Variants in PRKCA observed in about 807,000 individuals in gnomAD.
PRKCA encodes protein kinase C alpha.
A neutral mutation model predicts 87.0 loss-of-function variants in PRKCA; 27 were observed. The observed-to-expected ratio is 0.31, with a 90% CI of 0.23 to 0.43. The LOEUF is 0.43. Among genes scored for constraint, PRKCA ranks in the 20% least tolerant of loss-of-function variants. The pLI, the probability that PRKCA is intolerant of heterozygous loss-of-function variation, is 1.00. For missense variants in PRKCA, 518 were observed against 852.3 expected (o/e 0.61, Z 4.88); for synonymous variants, 329 against 311.1 (o/e 1.06, Z -0.61).
At chr17:66,765,994 G>C (rs893334706) in intron 13 of PRKCA, among the ~76,000 whole-genome samples, 1 of 152,136 alleles carries the variant, frequency 6.6e-6, no homozygotes, top group East Asian at 1.9e-4. Flanking sequence ...ACGTTTCTCT[G>C]GGAAAAAATG....
chr17:66,456,406 C>A (rs781081725), intron 2 of PRKCA, among the ~76,000 whole-genome samples: 1 of 152,150 alleles, frequency 6.6e-6, no homozygotes, highest in Non-Finnish European at 1.5e-5. Flanking sequence ...AGTTTAAGAG[C>A]CGTAAGTGGC....
At chr17:66,421,940 A>C (rs1443755928) in intron 2 of PRKCA, among the ~76,000 whole-genome samples, 1 of 152,110 alleles carries the variant, frequency 6.6e-6, no homozygotes, top group East Asian at 1.9e-4. Flanking sequence ...CTTAAACAGC[A>C]GAAGTTTATT....
At chr17:66,731,286 G>T (rs1020886218) in intron 8 of PRKCA, among the ~76,000 whole-genome samples, 5 of 149,806 alleles carry the variant, frequency 3.3e-5, no homozygotes, top group Non-Finnish European at 5.9e-5. Context: ...GGAGGTTGCA[G>T]TGAGCTGAGA....
At chr17:66,791,503 G>A (rs934794774) in intron 16 of PRKCA, among the ~76,000 whole-genome samples, 1 of 152,204 alleles carries the variant, frequency 6.6e-6, no homozygotes, top group East Asian at 1.9e-4. Flanking sequence ...GTTCAAAAGC[G>A]GAGAGCGTCA....
Position 66,777,579 on chromosome 17 carries a change from T to G in PRKCA, c.1605+3512T>G, listed in dbSNP as rs114885828. On this transcript the variant is annotated intron_variant, in intron 14 of 16. Coordinates refer to ENST00000413366, the MANE Select transcript of PRKCA (RefSeq NM_002737.3). ...AAGTTAATTTCCCCCTCTTTAAAAT[T>G]TTTACAGTAAAATTCGGCTCTGAAT... 1,160 of 985,140 alleles carry G rather than the reference T, an allele frequency of 1.2e-3. 10 individuals are homozygous for G. The African/African-American group carries it at 0.019, about 16-fold the overall frequency. The allele number at this position is 985,140 out of a possible 1,614,324, so 61.0% of individuals were successfully genotyped here. A position where few individuals can be genotyped will look rare whatever the true frequency, so the allele number is the denominator to read the frequency against.
At chr17:66,696,709 GT>G (rs1972931184) in intron 8 of PRKCA, among the ~76,000 whole-genome samples, 1 of 152,344 alleles carries the variant, frequency 6.6e-6, no homozygotes, top group South Asian at 2.1e-4. Flanking sequence ...GAACAGACCA[GT>G]GGATTGGTTG....
At chr17:66,421,572 A>G (rs1468103710) in intron 2 of PRKCA, among the ~76,000 whole-genome samples, 1 of 150,824 alleles carries the variant, frequency 6.6e-6, no homozygotes, top group Admixed American at 6.6e-5. Flanking sequence ...TTACTCTATT[A>G]TTCAGGCTGG....
At chr17:66,313,972 C>T (rs1164635283) in intron 2 of PRKCA, among the ~76,000 whole-genome samples, 3 of 152,188 alleles carry the variant, frequency 2.0e-5, no homozygotes, top group African/African-American at 7.2e-5. Context: ...TTCAATGCTA[C>T]ATTATGTCAG....
intron 2 of PRKCA, among the ~76,000 whole-genome samples, chr17:66,464,235 G>A (rs1178972828): frequency 6.6e-6 from 1 of 152,126 alleles, no homozygotes; most frequent in Non-Finnish European, 1.5e-5. Context: ...TGCTAAATAA[G>A]ATTCTATCAT....
intron 3 of PRKCA, among the ~76,000 whole-genome samples, chr17:66,609,869 ACT>A (rs1271538290): frequency 6.6e-6 from 1 of 151,924 alleles, no homozygotes; most frequent in Non-Finnish European, 1.5e-5. Flanking sequence ...TTCCTACTGT[ACT>A]CTCAACACAA....
chr17:66,426,875 G>T (rs183475806), intron 2 of PRKCA, among the ~76,000 whole-genome samples: 12 of 152,272 alleles, frequency 7.9e-5, no homozygotes, highest in African/African-American at 2.9e-4. Context: ...GAGGAAAGCT[G>T]GCAGAAGGAA....
intron 3 of PRKCA, among the ~76,000 whole-genome samples, chr17:66,624,748 G>A (rs1039217345): frequency 6.6e-6 from 1 of 151,616 alleles, no homozygotes. Context: ...GTTGCAGTGA[G>A]CCAAGATTGT....
At chr17:66,587,851 A>G (rs1969659122) in intron 3 of PRKCA, among the ~76,000 whole-genome samples, 1 of 127,462 alleles carries the variant, frequency 7.8e-6, no homozygotes, top group Non-Finnish European at 1.7e-5. Flanking sequence ...GTATCTACAT[A>G]TACATATATA....
At chr17:66,789,541 T>A (rs1328054656) in intron 16 of PRKCA, among the ~76,000 whole-genome samples, 1 of 152,182 alleles carries the variant, frequency 6.6e-6, no homozygotes, top group Non-Finnish European at 1.5e-5. Context: ...CCTGTTTGAT[T>A]CCCATTTTTT....
intron 14 of PRKCA, among the ~76,000 whole-genome samples, chr17:66,781,868 GATAT>G (rs1201713784): frequency 3.9e-4 from 39 of 99,354 alleles, no homozygotes; most frequent in South Asian, 1.5e-3. Context: ...GAGAGAGAGA[GATAT>G]ATATATATAT....
At chr17:66,565,239 G>T (rs759062065) in intron 3 of PRKCA, among the ~76,000 whole-genome samples, 1 of 152,158 alleles carries the variant, frequency 6.6e-6, no homozygotes, top group African/African-American at 2.4e-5. Context: ...CACTCAGCCC[G>T]CATCCCTTCC....
rs1176370665 is a variant in PRKCA at position 66,622,043 on chromosome 17, A to ACAG, written c.289-19310_289-19309insGCA. On this transcript the variant is annotated intron_variant, in intron 3 of 16. Transcript: ENST00000413366. ...ATAGTGAAACTCCATCCATTTAAAA[A>ACAG]CAACAACAACAAACAGCTAGCCATG... 2.8e-4 allele frequency among the ~76,000 whole-genome samples: 42 copies of ACAG among 151,498 alleles called. 2 individuals are homozygous for ACAG. The East Asian group carries it at 7.0e-3, about 25-fold the overall frequency.
intron 2 of PRKCA, among the ~76,000 whole-genome samples, chr17:66,336,814 G>A (rs1247189043): frequency 3.3e-5 from 5 of 149,924 alleles, no homozygotes; most frequent in Non-Finnish European, 7.4e-5. Context: ...TTGAGACGGA[G>A]TTTCGCTCTT....
chr17:66,618,228 G>A (rs147766139), intron 3 of PRKCA, among the ~76,000 whole-genome samples: 6,455 of 151,958 alleles, frequency 0.042, 188 homozygotes, highest in Non-Finnish European at 0.068. Context: ...GGTGGTGGGC[G>A]CCTGTAATTC....
Sources: gnomAD v4.1 joint callset for allele counts (sites outside exome capture counted in the v4.1 genomes callset) on GRCh38, gnomAD v4.1.1 for gene constraint, MANE v1.5 for transcripts, NCBI Gene and HGNC (gene_info 2026-07-23, HGNC 2026-07-21) for gene names.